The following CTSA variants were observed in gnomAD, a reference collection of about 807,000 sequenced individuals.
The protein encoded by CTSA is cathepsin A, also known as lysosomal protective protein.
A neutral mutation model predicts 66.7 loss-of-function variants in CTSA; 42 were observed. The observed-to-expected ratio is 0.63, with a 90% CI of 0.49 to 0.81. CTSA has a LOEUF of 0.81. Among genes scored for constraint, CTSA ranks in the 40% least tolerant of loss-of-function variants. The pLI is 0.00. For synonymous variants in CTSA, 225 were observed against 248.6 expected (o/e 0.91, Z 0.89); for missense variants, 525 against 610.9 (o/e 0.86, Z 1.48).
At chr20:45,895,201 T>G in intron 11 of CTSA, 68 bp downstream of exon 11, 1 of 1,585,038 alleles carries the variant, frequency 6.3e-7, no homozygotes, top group Admixed American at 1.7e-5. Context: ...TCGGCAGGTT[T>G]CTCAGGGATC....
chr20:45,895,021 C>T lies in CTSA; in HGVS notation c.976C>T (p.Arg326Cys), dbSNP rs749462505. 10 of 1,613,996 alleles carry T rather than the reference C, an allele frequency of 6.2e-6. No homozygotes were observed. Among genetic ancestry groups the T allele is most frequent in the East Asian group, 2.2e-5 (1 of 44,892 alleles). ...ACTGCTGCGCTCAGGGGATAAAGTG[C>T]GCATGGACCCCCCCTGCACCAACAC... ...QALLRSGDKV[R>C]MDPPCTNTTA... Residue 326 changes from arginine to cysteine, a missense_variant, in exon 11 of 15, where the codon CGC becomes TGC. Arg to Cys is a radical substitution (Grantham distance 180). Coordinates refer to ENST00000646241, the MANE Select transcript of CTSA (RefSeq NM_000308.4).
chr20:45,893,907 G>A, intron 7 of CTSA, 81 bp from the exon 8 acceptor site: 1 of 846,726 alleles, frequency 1.2e-6, no homozygotes, highest in Non-Finnish European at 2.1e-6. Context: ...GAGGTTGGTG[G>A]GAGGTGGGGG....
At chr20:45,897,224 C>T in intron 12 of CTSA, 184 bp downstream of exon 12, 1 of 662,584 alleles carries the variant, frequency 1.5e-6, no homozygotes, top group Non-Finnish European at 2.7e-6. Flanking sequence ...CCCATGCTGT[C>T]CTGCTATAGG....
Position 45,894,838 on chromosome 20 carries a change from T to A in CTSA, c.885T>A (p.Thr295=), listed in dbSNP as rs143206710. Residue 295 remains threonine (T), a synonymous_variant, in exon 10 of 15, where the codon ACT becomes ACA. Coordinates refer to ENST00000646241, the MANE Select transcript of CTSA (RefSeq NM_000308.4). ...CACATTGCAGGTATGAGAAGGACAC[T>A]GTTGTGGTCCAGGATTTGGGCAACA... The part of the protein sequence containing the change: ...VPSHFRYEKD[T]VVVQDLGNIF... 1.5e-5 allele frequency: 25 copies of A among 1,613,966 alleles called. No individual in the cohort carries two copies. The highest frequency in any genetic ancestry group is 2.0e-5 in the Non-Finnish European group (24 of 1,180,022).
intron 7 of CTSA, 49 bp from the exon 8 acceptor site, chr20:45,893,939 T>TCCTCTTCCCA: frequency 8.2e-7 from 1 of 1,223,810 alleles, no homozygotes; most frequent in Non-Finnish European, 1.2e-6. Flanking sequence ...TCCTCTGCCT[T>TCCTCTTCCCA]CCTCTTCCCA....
chr20:45,895,644 T>C (rs1371446419), intron 11 of CTSA, among the ~76,000 whole-genome samples: 1 of 151,912 alleles, frequency 6.6e-6, no homozygotes, highest in Non-Finnish European at 1.5e-5. Context: ...TTGGTTGTTG[T>C]TTCACAGTTC....
At chr20:45,896,911 C>T (rs895849449) in intron 11 of CTSA, 54 bp from the exon 12 acceptor site, 2 of 1,414,118 alleles carry the variant, frequency 1.4e-6, no homozygotes, top group African/African-American at 2.8e-5. Flanking sequence ...GATCTGTTGA[C>T]TACTTTTCGC....
At chr20:45,897,932 G>T (rs1432289075) in intron 13 of CTSA, 73 bp from the exon 14 acceptor site, 43 of 1,576,318 alleles carry the variant, frequency 2.7e-5, no homozygotes, top group Non-Finnish European at 3.8e-5. Context: ...GGAATTCCCA[G>T]CCCTAAGGTC....
chr20:45,895,216 G>A (rs1987187424), intron 11 of CTSA, 83 bp downstream of exon 11: 2 of 1,543,778 alleles, frequency 1.3e-6, no homozygotes, highest in Admixed American at 3.4e-5. Flanking sequence ...GGGATCTTCT[G>A]TGTAGAGTTT....
At chr20:45,897,466 G>T in intron 12 of CTSA, 2 of 520,404 alleles carry the variant, frequency 3.8e-6, no homozygotes. Flanking sequence ...CATAATCTTG[G>T]GCAAATTTCT....
chr20:45,894,853 T>C lies in CTSA; in HGVS notation c.900T>C (p.Asp300=), dbSNP rs1254090603. Residue 300 remains aspartate, a synonymous_variant, in exon 10 of 15, where the codon GAT becomes GAC. Coordinates refer to ENST00000646241, the MANE Select transcript of CTSA (RefSeq NM_000308.4). ...AGAAGGACACTGTTGTGGTCCAGGA[T>C]TTGGGCAACATCTTCACTCGCCTGC... ...RYEKDTVVVQ[D]LGNIFTRLPL... 2 of 1,614,102 alleles carry C rather than the reference T, an allele frequency of 1.2e-6. No individual in the cohort carries two copies. Among genetic ancestry groups the C allele is most frequent in the East Asian group, 2.2e-5 (1 of 44,880 alleles).
chr20:45,892,629 A>C, intron 5 of CTSA, 96 bp from the exon 6 acceptor site: 1 of 1,558,200 alleles, frequency 6.4e-7, no homozygotes. Flanking sequence ...TTCCTCTTGC[A>C]CAAATAGGGT....
Position 45,892,775 on chromosome 20 carries a change from G to A in CTSA, c.495G>A (p.Pro165=), listed in dbSNP as rs1350708938. The change falls in exon 6 of 15, where the codon CCG becomes CCA. Residue 165 remains proline (P), a synonymous_variant. Coordinates refer to ENST00000646241, the MANE Select transcript of CTSA (RefSeq NM_000308.4). The part of the protein sequence containing the change: ...EALQDFFRLF[P]EYKNNKLFLT... ...TTCAAGATTTCTTCCGCCTCTTTCC[G>A]GAGTACAAGAACAACAAACTTTTCC... is the stretch of plus-strand genomic sequence containing the variant. 20 of 1,614,108 alleles carry A rather than the reference G, an allele frequency of 1.2e-5. No homozygotes were observed. The highest frequency in any genetic ancestry group is 5.0e-5 in the Admixed American group (3 of 60,008).
At position 45,895,324 on chromosome 20, in the gene CTSA, A is replaced by T. The variant is rs1568765488; in HGVS notation, c.1088+191A>T. The T allele has an allele frequency of 7.1e-6, 5 of 708,414 alleles. No individual in the cohort carries two copies. In the East Asian group the frequency reaches 1.4e-4, roughly 20 times the overall value. The allele number at this position is 708,414 out of a possible 1,614,324, so 43.9% of individuals were successfully genotyped here. A position where few individuals can be genotyped will look rare whatever the true frequency, so the allele number is the denominator to read the frequency against. On this transcript the variant is annotated intron_variant, in intron 11 of 14. Coordinates refer to ENST00000646241, the MANE Select transcript of CTSA (RefSeq NM_000308.4). ...TCATTCTTTTATCTTTTTTAAATTTAAAATTTTTTTGTTTGAGACAAGGTC... is the reference window on the plus strand; with the variant it reads ...TCATTCTTTTATCTTTTTTAAATTTTAAATTTTTTTGTTTGAGACAAGGTC...
Position 45,891,447 on chromosome 20 carries a change from C to T in CTSA, c.-1+68C>T, listed in dbSNP as rs1986895218. On this transcript the variant is annotated intron_variant, in intron 1 of 14. Transcript: ENST00000646241. This position sits in a 1 kb window ranked among gnomAD's most constrained non-coding sequence, Gnocchi z 4.6. ...ATCGGTGCGCGGCAGAGGAGGCTCG[C>T]GGGTGGGAGCTGGCGCTGGGGCCGG... 1.3e-6 allele frequency: 2 copies of T among 1,546,282 alleles called. No homozygotes were observed. Among genetic ancestry groups the T allele is most frequent in the Non-Finnish European group, 1.7e-6 (2 of 1,145,228 alleles).
Position 45,895,119 on chromosome 20 carries a change from A to G in CTSA, c.1074A>G (p.Gln358=), listed in dbSNP as rs766994463. The change falls in exon 11 of 15, where the codon CAA becomes CAG. Residue 358 remains glutamine, a synonymous_variant. Coordinates refer to ENST00000646241, the MANE Select transcript of CTSA (RefSeq NM_000308.4). ...TCAACATCCCGGAGCAGCTGCCACA[A>G]TGGGACATGTGCAAGTGAGGTTCCG... ...KALNIPEQLP[Q]WDMCNFLVNL... 1.9e-6 allele frequency: 3 copies of G among 1,614,018 alleles called. No homozygotes were observed. Among genetic ancestry groups the G allele is most frequent in the East Asian group, 2.2e-5 (1 of 44,870 alleles).
chr20:45,895,046 C>T lies in CTSA; in HGVS notation c.1001C>T (p.Thr334Ile), dbSNP rs1260282148. 7 of 1,614,082 alleles carry T rather than the reference C, an allele frequency of 4.3e-6. No individual in the cohort carries two copies. Among genetic ancestry groups the T allele is most frequent in the Non-Finnish European group, 5.9e-6 (7 of 1,180,038 alleles). ...CGCATGGACCCCCCCTGCACCAACA[C>T]AACAGCTGCTTCCACCTACCTCAAC... The part of the protein sequence containing the change: ...KVRMDPPCTN[T>I]TAASTYLNNP... The change falls in exon 11 of 15, where the codon ACA (threonine) becomes ATA (isoleucine). Residue 334 changes from threonine (T) to isoleucine (I), a missense_variant. Coordinates refer to ENST00000646241, the MANE Select transcript of CTSA (RefSeq NM_000308.4).
intron 11 of CTSA, among the ~76,000 whole-genome samples, chr20:45,895,510 A>G (rs1444204776): frequency 1.3e-5 from 2 of 151,762 alleles, no homozygotes; most frequent in Non-Finnish European, 2.9e-5. Context: ...ATGGTGTTTT[A>G]CCACATTGCT....
chr20:45,896,026 C>A (rs2083101536), intron 11 of CTSA, among the ~76,000 whole-genome samples: 1 of 152,128 alleles, frequency 6.6e-6, no homozygotes, highest in Non-Finnish European at 1.5e-5. Context: ...GAAACCCCAT[C>A]TCTACTAAAA....
Sources: gnomAD v4.1 joint callset for allele counts (sites outside exome capture counted in the v4.1 genomes callset) on GRCh38, gnomAD v4.1.1 for gene constraint, Gnocchi (gnomAD v3.1) non-coding constraint, MANE v1.5 for transcripts, NCBI Gene and HGNC (gene_info 2026-07-23, HGNC 2026-07-21) for gene names.